Variants in TNIK observed in about 807,000 individuals in gnomAD.
TNIK encodes TRAF2 and NCK-interacting protein kinase.
Under a neutral mutation model 191.3 loss-of-function variants are expected in TNIK, and 49 were observed. The observed-to-expected ratio is 0.26, with a 90% confidence interval of 0.20 to 0.32. The LOEUF (loss-of-function observed/expected upper bound fraction) is 0.32. Ranked by LOEUF, TNIK falls within the 10% of genes least tolerant of loss-of-function variation. TNIK has a pLI of 1.00. For synonymous variants in TNIK, 594 were observed against 600.9 expected (o/e 0.99, Z 0.17); for missense variants, 1,155 against 1,702.3 (o/e 0.68, Z 5.66).
At chr3:171,088,117 G>A (rs1721596049) in intron 23 of TNIK, among the ~76,000 whole-genome samples, 1 of 152,100 alleles carries the variant, frequency 6.6e-6, no homozygotes, top group South Asian at 2.1e-4. Flanking sequence ...TATCATAAAT[G>A]TTTATGTCTC....
chr3:171,447,915 T>C (rs181149069), intron 1 of TNIK, among the ~76,000 whole-genome samples: 47 of 152,344 alleles, frequency 3.1e-4, no homozygotes, highest in Non-Finnish European at 1.6e-4. Context: ...TCTAAAAACA[T>C]GATTAGAAAG....
intron 2 of TNIK, among the ~76,000 whole-genome samples, chr3:171,317,994 C>G (rs1030865404): frequency 2.0e-5 from 3 of 152,160 alleles, no homozygotes; most frequent in African/African-American, 7.2e-5. Context: ...TAGTGCTTGA[C>G]ATTTAGAAAG....
chr3:171,352,505 G>C (rs1559962890), intron 2 of TNIK, among the ~76,000 whole-genome samples: 1 of 152,176 alleles, frequency 6.6e-6, no homozygotes, highest in Non-Finnish European at 1.5e-5. Flanking sequence ...ACATAAATGT[G>C]TTTAATACTC....
chr3:171,443,996 G>A (rs576801678), intron 1 of TNIK, among the ~76,000 whole-genome samples: 8 of 152,062 alleles, frequency 5.3e-5, no homozygotes, highest in Admixed American at 2.0e-4. Context: ...TCTAACCATC[G>A]GTTTTTCCTT....
At chr3:171,395,012 C>T (rs1017821528) in intron 1 of TNIK, among the ~76,000 whole-genome samples, 1 of 152,168 alleles carries the variant, frequency 6.6e-6, no homozygotes, top group Non-Finnish European at 1.5e-5. Flanking sequence ...AACAAATGCT[C>T]TCTGCATTAT....
intron 1 of TNIK, among the ~76,000 whole-genome samples, chr3:171,392,791 A>AAAAAG (rs1553768386): frequency 1.3e-5 from 2 of 151,264 alleles, no homozygotes; most frequent in Non-Finnish European, 3.0e-5. Context: ...AAAAAAAAAA[A>AAAAAG]AAAAGAAAAG....
Position 171,136,755 on chromosome 3 carries a change from T to C in TNIK, c.1608+1436A>G, listed in dbSNP as rs551169633. ...ATGGTTTAGCAGTAGAGGAAGGTGG[T>C]GCATGCCTGCCAGCCAAGAAGCATG... On this transcript the variant is annotated intron_variant, in intron 15 of 32. Transcript: ENST00000436636. 2.6e-5 allele frequency among the ~76,000 whole-genome samples: 4 copies of C among 152,310 alleles called. No individual in the cohort carries two copies. The South Asian group carries it at 8.3e-4, about 32-fold the overall frequency.
chr3:171,102,840 C>A (rs948308130), intron 21 of TNIK, among the ~76,000 whole-genome samples: 1 of 152,106 alleles, frequency 6.6e-6, no homozygotes, highest in African/African-American at 2.4e-5. Context: ...CCATCCTAAT[C>A]GGTTAAAAGA....
At chr3:171,378,689 C>A (rs535906426) in intron 1 of TNIK, among the ~76,000 whole-genome samples, 2 of 152,050 alleles carry the variant, frequency 1.3e-5, no homozygotes, top group Admixed American at 6.6e-5. Flanking sequence ...AGCCACAATG[C>A]GGTAAGGTCT....
chr3:171,347,899 G>C (rs573091157), intron 2 of TNIK, among the ~76,000 whole-genome samples: 3 of 152,232 alleles, frequency 2.0e-5, no homozygotes, highest in South Asian at 2.1e-4. Flanking sequence ...AAATAGCTAA[G>C]AGAGTGTAAA....
intron 2 of TNIK, among the ~76,000 whole-genome samples, chr3:171,242,790 C>T (rs184849537): frequency 3.7e-4 from 56 of 152,258 alleles, no homozygotes; most frequent in Admixed American, 2.2e-3. Context: ...GAGCATTCAA[C>T]GGTTCATGGG....
intron 10 of TNIK, among the ~76,000 whole-genome samples, chr3:171,164,801 A>G (rs1015575765): frequency 6.6e-6 from 1 of 152,228 alleles, no homozygotes; most frequent in African/African-American, 2.4e-5. Context: ...TCAGTCCTGG[A>G]ACTTTTGAGT....
chr3:171,285,613 T>C (rs561396027), intron 2 of TNIK, among the ~76,000 whole-genome samples: 1 of 152,318 alleles, frequency 6.6e-6, no homozygotes, highest in East Asian at 1.9e-4. Context: ...AAACACCAAA[T>C]CAGTATTATT....
intron 15 of TNIK, among the ~76,000 whole-genome samples, chr3:171,136,020 A>G (rs188089008): frequency 3.2e-4 from 49 of 152,364 alleles, no homozygotes; most frequent in Middle Eastern, 3.4e-3. Context: ...AGTTCAAATC[A>G]CAAGGTGCTG....
intron 2 of TNIK, among the ~76,000 whole-genome samples, chr3:171,341,849 A>G (rs554224596): frequency 5.9e-5 from 9 of 152,286 alleles, no homozygotes; most frequent in African/African-American, 2.2e-4. Context: ...TTTGATCCCA[A>G]CAGAGATCTC....
intron 2 of TNIK, among the ~76,000 whole-genome samples, chr3:171,242,964 T>C (rs909234049): frequency 6.6e-6 from 1 of 152,190 alleles, no homozygotes; most frequent in Non-Finnish European, 1.5e-5. Flanking sequence ...AAAAAAATCT[T>C]TGGAAATAAT....
intron 2 of TNIK, among the ~76,000 whole-genome samples, chr3:171,331,022 A>C (rs1482882667): frequency 6.6e-6 from 1 of 152,158 alleles, no homozygotes; most frequent in Non-Finnish European, 1.5e-5. Context: ...TCTGTGACAA[A>C]ATTTTCAAAT....
At chr3:171,160,893 C>T (rs562227449) in intron 11 of TNIK, among the ~76,000 whole-genome samples, 9 of 152,274 alleles carry the variant, frequency 5.9e-5, no homozygotes, top group African/African-American at 1.2e-4. Flanking sequence ...TGTGAAGTAA[C>T]GAACTGAATA....
chr3:171,064,358 G>A (rs915559987), intron 32 of TNIK, among the ~76,000 whole-genome samples: 1 of 152,156 alleles, frequency 6.6e-6, no homozygotes, highest in Non-Finnish European at 1.5e-5. Flanking sequence ...ACCCTTAAAT[G>A]ACAAGAAAGT....
Sources: allele counts gnomAD v4.1 joint callset (sites outside exome capture counted in the v4.1 genomes callset), GRCh38; gene constraint gnomAD v4.1.1; transcripts MANE v1.5; gene names NCBI Gene and HGNC (gene_info 2026-07-23, HGNC 2026-07-21).